DAB1: variants seen among roughly 807,000 people sequenced by gnomAD.
DAB1 encodes disabled homolog 1.
DAB1 carries 15 observed loss-of-function variants against 64.6 expected under a neutral mutation model. The observed-to-expected ratio is 0.23, with a 90% CI of 0.16 to 0.36. DAB1 has a LOEUF of 0.36. Among genes scored for constraint, DAB1 ranks in the 10% least tolerant of loss-of-function variants. DAB1 has a pLI of 1.00. For missense variants in DAB1, 596 were observed against 706.7 expected (o/e 0.84, Z 1.78); for synonymous variants, 235 against 251.9 (o/e 0.93, Z 0.64).
chr1:58,186,255 A>G (rs1047493442), intron 4 of DAB1, among the ~76,000 whole-genome samples: 1 of 152,158 alleles, frequency 6.6e-6, no homozygotes, highest in African/African-American at 2.4e-5. Context: ...TTTCACTAGC[A>G]TGGGGCAACA....
intron 7 of DAB1, among the ~76,000 whole-genome samples, chr1:57,527,393 T>C (rs1229207598): frequency 6.6e-6 from 1 of 152,190 alleles, no homozygotes; most frequent in East Asian, 1.9e-4. Context: ...GGTACTGTGC[T>C]AAGTATGCAA....
chr1:57,502,140 G>GT (rs1644295912), intron 7 of DAB1, among the ~76,000 whole-genome samples: 1 of 151,916 alleles, frequency 6.6e-6, no homozygotes, highest in Non-Finnish European at 1.5e-5. Context: ...CTAACACGGT[G>GT]AAACCCCGTC....
rs374278313 is a variant in DAB1, at chr1:58,149,482, C to A, written n.387+1029G>T. Among the ~76,000 whole-genome samples, 124 of 152,270 alleles carry A rather than the reference C, an allele frequency of 8.1e-4. 2 individuals carry two copies. In the South Asian group the frequency reaches 0.026, roughly 31 times the overall value. On this transcript the variant is annotated intron_variant and non_coding_transcript_variant, in intron 5 of 20. Transcript: ENST00000485760. ...AACTGTCTGCCCTTAGTGATAGTTA[C>A]CCTGACAGCGGCTGCTATGGATACG...
At chr1:57,430,651 A>G (rs1184460516) in intron 7 of DAB1, among the ~76,000 whole-genome samples, 2 of 152,132 alleles carry the variant, frequency 1.3e-5, no homozygotes, top group African/African-American at 4.8e-5. Context: ...TGCTGGGTAC[A>G]GTTAATACAA....
At position 57,918,108 on chromosome 1, in the gene DAB1, T is replaced by TAAATAA. The variant is rs1557555257; in HGVS notation, n.388-33947_388-33946insTTATTT. ...AAATAAATAAATAAATAAATAAATA[T>TAAATAA]AAAAATATGATTTACACTTTAAATG... On this transcript the variant is annotated intron_variant and non_coding_transcript_variant, in intron 5 of 20. Coordinates refer to the DAB1 transcript ENST00000485760. 7.9e-5 allele frequency among the ~76,000 whole-genome samples: 10 copies of TAAATAA among 126,174 alleles called. No homozygotes were observed. In the East Asian group the frequency reaches 1.2e-3, roughly 15 times the overall value. The allele number at this position is 126,174 out of a possible 152,430, so 82.8% of individuals were successfully genotyped here.
intron 1 of DAB1, among the ~76,000 whole-genome samples, chr1:57,417,388 C>T (rs1365692281): frequency 6.6e-6 from 1 of 152,160 alleles, no homozygotes; most frequent in African/African-American, 2.4e-5. Flanking sequence ...GTTAAATATT[C>T]TGTCCTACAT....
intron 5 of DAB1, among the ~76,000 whole-genome samples, chr1:58,124,073 T>C (rs1158600608): frequency 6.6e-6 from 1 of 152,152 alleles, no homozygotes; most frequent in Non-Finnish European, 1.5e-5. Context: ...AATGTACATA[T>C]GTATATAAAT....
At chr1:58,213,802 T>C (rs1658694272) in intron 4 of DAB1, among the ~76,000 whole-genome samples, 1 of 152,202 alleles carries the variant, frequency 6.6e-6, no homozygotes. Flanking sequence ...TCAGTACCTG[T>C]ACTCCTCATT....
chr1:57,976,484 T>C (rs1223495342), intron 5 of DAB1, among the ~76,000 whole-genome samples: 2 of 152,230 alleles, frequency 1.3e-5, no homozygotes, highest in Admixed American at 1.3e-4. Context: ...CTCAACCAAG[T>C]CCACCAGTGA....
At chr1:58,356,406 T>C (rs1480726819) in intron 3 of DAB1, among the ~76,000 whole-genome samples, 1 of 152,162 alleles carries the variant, frequency 6.6e-6, no homozygotes, top group Non-Finnish European at 1.5e-5. Context: ...CATGCATACA[T>C]AATAACAAAC....
chr1:57,078,272 G>A (rs1334683554), intron 4 of DAB1, among the ~76,000 whole-genome samples: 1 of 152,122 alleles, frequency 6.6e-6, no homozygotes, highest in Non-Finnish European at 1.5e-5. Context: ...TCGCTGAAGA[G>A]GTGGTGTGAT....
At chr1:58,384,189 G>C (rs1043505307) in intron 3 of DAB1, among the ~76,000 whole-genome samples, 1 of 151,654 alleles carries the variant, frequency 6.6e-6, no homozygotes, top group South Asian at 2.1e-4. Context: ...ACATACAATG[G>C]AACATTATTC....
intron 3 of DAB1, among the ~76,000 whole-genome samples, chr1:58,489,698 G>C (rs1173960447): frequency 6.6e-6 from 1 of 152,148 alleles, no homozygotes; most frequent in African/African-American, 2.4e-5. Flanking sequence ...CCCCCAGTAG[G>C]GGCAGACTGA....
chr1:57,154,553 T>C (rs1380085828), intron 2 of DAB1, among the ~76,000 whole-genome samples: 1 of 152,248 alleles, frequency 6.6e-6, no homozygotes, highest in Non-Finnish European at 1.5e-5. Flanking sequence ...CTTTTGGGTA[T>C]ATACCCAGCA....
chr1:57,241,169 A>T (rs1028841154), intron 2 of DAB1, among the ~76,000 whole-genome samples: 2 of 152,184 alleles, frequency 1.3e-5, no homozygotes, highest in African/African-American at 4.8e-5. Flanking sequence ...TCAATAAATA[A>T]ATATGTATTA....
chr1:57,920,368 A>G (rs1644790729), intron 5 of DAB1, among the ~76,000 whole-genome samples: 1 of 152,130 alleles, frequency 6.6e-6, no homozygotes, highest in South Asian at 2.1e-4. Flanking sequence ...GCTGGAGTGC[A>G]GTGGTGTGAA....
At chr1:57,433,041 A>G (rs745598608) in intron 7 of DAB1, among the ~76,000 whole-genome samples, 20 of 152,210 alleles carry the variant, frequency 1.3e-4, no homozygotes, top group Non-Finnish European at 2.9e-4. Flanking sequence ...AAAATTTACA[A>G]AACTTTGATG....
chr1:57,054,637 C>T (rs1649561755), intron 9 of DAB1, among the ~76,000 whole-genome samples: 1 of 151,942 alleles, frequency 6.6e-6, no homozygotes, highest in Non-Finnish European at 1.5e-5. Flanking sequence ...GCCACCACGC[C>T]CGGCTAATTT....
At chr1:58,086,909 C>T (rs1044283964) in intron 5 of DAB1, among the ~76,000 whole-genome samples, 1 of 152,058 alleles carries the variant, frequency 6.6e-6, no homozygotes, top group Non-Finnish European at 1.5e-5. Flanking sequence ...GGCATTAGCT[C>T]TCCCATAGCA....
Sources: gnomAD v4.1 joint callset for allele counts (sites outside exome capture counted in the v4.1 genomes callset) on GRCh38, gnomAD v4.1.1 for gene constraint, MANE v1.5 for transcripts, NCBI Gene and HGNC (gene_info 2026-07-23, HGNC 2026-07-21) for gene names.